The following SEC14L1 variants were observed in gnomAD, a reference collection of about 807,000 sequenced individuals.
SEC14L1 encodes SEC14 like lipid binding 1, also known as SEC14-like protein 1.
SEC14L1 carries 48 observed loss-of-function variants against 85.3 expected under a neutral mutation model. That is an observed-to-expected ratio of 0.56 (90% CI 0.45 to 0.72). The LOEUF (loss-of-function observed/expected upper bound fraction) is 0.72. Among genes scored for constraint, SEC14L1 ranks in the 30% least tolerant of loss-of-function variants. SEC14L1 has a pLI of 0.00. For synonymous variants in SEC14L1, 391 were observed against 355.5 expected, an observed-to-expected ratio of 1.10 and a Z score of -1.12; for missense variants, 682 against 921.4, an observed-to-expected ratio of 0.74 and a Z score of 3.36.
chr17:77,162,956 A>G (rs1974133092), intron 3 of SEC14L1, among the ~76,000 whole-genome samples: 3 of 152,192 alleles, frequency 2.0e-5, no homozygotes, highest in African/African-American at 7.2e-5. Context: ...TACCTTTAAA[A>G]GCTTAAAACA....
chr17:77,090,726 A>G (rs531581573), intron 2 of SEC14L1, among the ~76,000 whole-genome samples: 1 of 152,208 alleles, frequency 6.6e-6, no homozygotes, highest in South Asian at 2.1e-4. Flanking sequence ...GCGGTGGCTC[A>G]CACCTGTAAT....
rs550545499 is a variant in SEC14L1, at chr17:77,204,416, C to T, written c.1098+758C>T. ...CATATTTTTACTAGAGACGGGGTTTCACCATGTTGGTCAGGCTGGTCTCGA... is the reference window on the plus strand; with the variant it reads ...CATATTTTTACTAGAGACGGGGTTTTACCATGTTGGTCAGGCTGGTCTCGA... On this transcript the variant is annotated intron_variant, in intron 10 of 16. Transcript: ENST00000436233. Among the ~76,000 whole-genome samples the T allele has an allele frequency of 3.3e-5, 5 of 150,354 alleles. No individual in the cohort carries two copies. In the South Asian group the frequency reaches 1.1e-3, roughly 32 times the overall value.
At chr17:77,120,571 G>A (rs1972271824) in intron 3 of SEC14L1, among the ~76,000 whole-genome samples, 2 of 152,086 alleles carry the variant, frequency 1.3e-5, no homozygotes, top group Admixed American at 1.3e-4. Context: ...CTGCCTCCCA[G>A]GTTCAAGCGA....
At chr17:77,196,357 A>G (rs1418250515) in intron 8 of SEC14L1, 46 bp downstream of exon 8, 1 of 1,114,520 alleles carries the variant, frequency 9.0e-7, no homozygotes, top group Non-Finnish European at 1.3e-6. Context: ...GAGCTACGTG[A>G]AATCATGGAA....
intron 3 of SEC14L1, among the ~76,000 whole-genome samples, chr17:77,145,521 G>C (rs953198809): frequency 5.3e-5 from 8 of 152,174 alleles, no homozygotes; most frequent in African/African-American, 1.7e-4. Context: ...CGTGTGTTAA[G>C]ATGTAGTTAC....
chr17:77,175,596 C>T (rs1329106369), intron 3 of SEC14L1, among the ~76,000 whole-genome samples: 1 of 152,222 alleles, frequency 6.6e-6, no homozygotes, highest in African/African-American at 2.4e-5. Flanking sequence ...TTTTCATGAC[C>T]TTCATTGTAT....
In SEC14L1 at chr17:77,148,034, A is replaced by G. The variant is rs75288625; in HGVS notation, c.63+4375A>G. Among the ~76,000 whole-genome samples, 929 of 152,314 alleles carry G rather than the reference A, an allele frequency of 6.1e-3. 12 individuals are homozygous for G. Among genetic ancestry groups the G allele is most frequent in the African/African-American group, 0.022 (894 of 41,568 alleles). ...AGATTAGGAACTTAGAATGGGATGT[A>G]TAATTCTAGGGTGCTTGAGTTGAAG... On this transcript the variant is annotated intron_variant, in intron 3 of 16. Coordinates refer to ENST00000436233, the MANE Select transcript of SEC14L1 (RefSeq NM_001143998.2).
In SEC14L1 at chr17:77,199,023, G is replaced by A. The variant is rs994586849; in HGVS notation, c.820-1461G>A. On this transcript the variant is annotated intron_variant, in intron 8 of 16. Transcript: ENST00000436233. ...CTTCTTTCTTTTTTTTTTTTTTTTT[G>A]AGATGGAGTTTCGCTCTTGTTGCCC... The A allele has an allele frequency of 8.7e-5, 4 of 46,134 alleles. No individual in the cohort carries two copies. The Admixed American group carries it at 1.0e-3, about 12-fold the overall frequency. The allele number at this position is 46,134 out of a possible 1,614,324, so 2.9% of individuals were successfully genotyped here. A position where few individuals can be genotyped will look rare whatever the true frequency, so the allele number is the denominator to read the frequency against.
chr17:77,108,336 AGT>A (rs1971967272), intron 3 of SEC14L1, among the ~76,000 whole-genome samples: 1 of 152,144 alleles, frequency 6.6e-6, no homozygotes, highest in Admixed American at 6.5e-5. Context: ...ACCTGGGTCC[AGT>A]GTGTCTCCTC....
chr17:77,177,071 A>G (rs953162822), intron 3 of SEC14L1, among the ~76,000 whole-genome samples: 2 of 152,160 alleles, frequency 1.3e-5, no homozygotes, highest in Middle Eastern at 3.2e-3. Context: ...ATTAGGACAT[A>G]AATGCTTTTT....
At chr17:77,189,095 G>C (rs1975402820) in intron 3 of SEC14L1, among the ~76,000 whole-genome samples, 1 of 151,780 alleles carries the variant, frequency 6.6e-6, no homozygotes, top group Non-Finnish European at 1.5e-5. Context: ...AAAAAATTTA[G>C]TGTATGGATC....
chr17:77,116,625 G>T (rs1290785780), intron 3 of SEC14L1, among the ~76,000 whole-genome samples: 2 of 152,144 alleles, frequency 1.3e-5, no homozygotes, highest in African/African-American at 4.8e-5. Context: ...AAACTGAAAG[G>T]CTCATATTTT....
intron 3 of SEC14L1, among the ~76,000 whole-genome samples, chr17:77,119,472 G>A (rs1046366727): frequency 3.3e-5 from 5 of 152,076 alleles, no homozygotes; most frequent in Non-Finnish European, 7.3e-5. Context: ...ATTAAACAAA[G>A]TTAGATGGAG....
intron 3 of SEC14L1, among the ~76,000 whole-genome samples, chr17:77,108,780 CTG>C (rs1971979688): frequency 1.7e-5 from 1 of 60,154 alleles, no homozygotes; most frequent in African/African-American, 6.9e-5. Context: ...ACATTCATCT[CTG>C]TCTCCAAAAA....
At chr17:77,134,596 G>A (rs572798296) in intron 3 of SEC14L1, among the ~76,000 whole-genome samples, 7 of 152,140 alleles carry the variant, frequency 4.6e-5, no homozygotes, top group Non-Finnish European at 1.0e-4. Flanking sequence ...GGCAGGTGTG[G>A]TGGCGCATGC....
intron 1 of SEC14L1, chr17:77,141,597 C>T (rs1191842244): frequency 6.6e-6 from 1 of 152,126 alleles, no homozygotes; most frequent in African/African-American, 2.4e-5. Context: ...GGAGGCCGTC[C>T]GGCTCCTGGA....
intron 3 of SEC14L1, among the ~76,000 whole-genome samples, chr17:77,187,274 G>T (rs1210374867): frequency 6.6e-6 from 1 of 152,106 alleles, no homozygotes; most frequent in East Asian, 1.9e-4. Context: ...GAGTCATCCT[G>T]CAGTACCTTC....
In SEC14L1 at chr17:77,204,753, C is replaced by T. The variant is rs1002799131; in HGVS notation, c.1099-523C>T. On this transcript the variant is annotated intron_variant, in intron 10 of 16. Transcript: ENST00000436233. Reference sequence around the variant, plus strand: ...TTCCCTTGTGTATTGTGTTAGTCTGCCCCCACCGCTATGTGTGTTTATATA... The same window carrying T: ...TTCCCTTGTGTATTGTGTTAGTCTGTCCCCACCGCTATGTGTGTTTATATA... Among the ~76,000 whole-genome samples the T allele has an allele frequency of 2.9e-4, 44 of 152,108 alleles. 1 individual carries two copies. Among genetic ancestry groups the T allele is most frequent in the African/African-American group, 1.0e-3 (43 of 41,516 alleles).
intron 14 of SEC14L1, chr17:77,211,518 T>TC: frequency 5.7e-6 from 1 of 175,514 alleles, no homozygotes; most frequent in Non-Finnish European, 1.2e-5. Flanking sequence ...TGCCCCTGCT[T>TC]CCCCCTTGCT....
Sources: allele counts gnomAD v4.1 joint callset (sites outside exome capture counted in the v4.1 genomes callset), GRCh38; gene constraint gnomAD v4.1.1; transcripts MANE v1.5; gene names NCBI Gene and HGNC (gene_info 2026-07-23, HGNC 2026-07-21).